The following THUMPD2 variants were observed in gnomAD, a reference collection of about 807,000 sequenced individuals.
The protein encoded by THUMPD2 is U6 snRNA (guanine-N(2))-methyltransferase THUMPD2.
In THUMPD2, 56 loss-of-function variants were observed where a neutral mutation model predicts 49.4. The observed-to-expected ratio is 1.13, with a 90% confidence interval of 0.91 to 1.41. THUMPD2 has a LOEUF of 1.41. THUMPD2 is among the 40% of genes most tolerant of loss of function. THUMPD2 has a pLI of 0.00. For synonymous variants in THUMPD2, 237 were observed against 205.2 expected, an observed-to-expected ratio of 1.15 and a Z score of -1.32; for missense variants, 709 against 594.5, an observed-to-expected ratio of 1.19 and a Z score of -2.00.
In THUMPD2 at chr2:39,769,899, G is replaced by A. The variant is rs1678085111; in HGVS notation, c.483C>T (p.Cys161=). 1.3e-6 allele frequency: 2 copies of A among 1,596,918 alleles called. No homozygotes were observed. The highest frequency in any genetic ancestry group is 4.5e-5 in the East Asian group (2 of 44,262). Residue 161 remains cysteine, a synonymous_variant, in exon 3 of 10, where the codon TGC becomes TGT. Coordinates refer to ENST00000505747, the MANE Select transcript of THUMPD2 (RefSeq NM_025264.5). ...QMQKIEENRD[C]QLEKQIKEET... is the part of the protein sequence containing the mutation. ...CTTCTTTTATTTGTTTTTCCAGCTGGCAGTCCCTATTCTCTTCTATCTTTT... is the reference window on the plus strand; with the variant it reads ...CTTCTTTTATTTGTTTTTCCAGCTGACAGTCCCTATTCTCTTCTATCTTTT...
rs1169143999 is a variant in THUMPD2, at chr2:39,736,503, A to AAACTT, written c.*227_*231dup. On this transcript the variant is annotated 3_prime_UTR_variant, in exon 10 of 10. Coordinates refer to ENST00000505747, the MANE Select transcript of THUMPD2 (RefSeq NM_025264.5). ...ACTTTTCACATTCTGACAGAAGATAAAACTTAAGTCTAAAAAATATTCGAT... is the reference window on the plus strand; with the variant it reads ...ACTTTTCACATTCTGACAGAAGATAAAACTTAACTTAAGTCTAAAAAATATTCGAT... 15 of 391,350 alleles carry AAACTT rather than the reference A, an allele frequency of 3.8e-5. No individual in the cohort carries two copies. The Admixed American group carries it at 4.5e-4, about 12-fold the overall frequency. The allele number at this position is 391,350 out of a possible 1,614,324, so 24.2% of individuals were successfully genotyped here.
At chr2:39,756,623 T>C (rs578009786) in intron 6 of THUMPD2, among the ~76,000 whole-genome samples, 1 of 152,126 alleles carries the variant, frequency 6.6e-6, no homozygotes, top group Admixed American at 6.5e-5. Context: ...TGTGTTCGGG[T>C]AGCAGAGGAA....
intron 5 of THUMPD2, among the ~76,000 whole-genome samples, chr2:39,762,563 A>C (rs181385201): frequency 4.6e-5 from 7 of 152,080 alleles, no homozygotes; most frequent in Admixed American, 2.6e-4. Context: ...AAGAAACAAC[A>C]ATTCACATTG....
At chr2:39,741,005 C>A (rs1419087169) in intron 9 of THUMPD2, among the ~76,000 whole-genome samples, 2 of 152,054 alleles carry the variant, frequency 1.3e-5, no homozygotes, top group African/African-American at 4.8e-5. Context: ...AGCTACTGTG[C>A]CCAGAAACAC....
intron 1 of THUMPD2, among the ~76,000 whole-genome samples, chr2:39,775,578 T>C (rs1314830680): frequency 6.6e-6 from 1 of 152,004 alleles, no homozygotes; most frequent in East Asian, 1.9e-4. Flanking sequence ...AAGACCAGCC[T>C]GGCCAACATG....
chr2:39,768,889 C>G (rs1441668381), intron 3 of THUMPD2: 11 of 1,297,944 alleles, frequency 8.5e-6, no homozygotes, highest in African/African-American at 1.5e-5. Context: ...AGATTAGTAT[C>G]ATTAGACTCA....
intron 2 of THUMPD2, among the ~76,000 whole-genome samples, chr2:39,771,273 G>A (rs570382327): frequency 5.7e-4 from 86 of 152,120 alleles, no homozygotes; most frequent in African/African-American, 1.9e-3. Flanking sequence ...AAGAAATGTG[G>A]CTTAGGACAT....
chr2:39,771,626 T>C lies in THUMPD2; in HGVS notation c.141A>G (p.Ser47=). The C allele has an allele frequency of 6.2e-7, 1 of 1,603,038 alleles. No individual in the cohort carries two copies. The highest frequency in any genetic ancestry group is 1.7e-5 in the Admixed American group (1 of 57,198). Residue 47 remains serine (S), a synonymous_variant, in exon 2 of 10, where the codon TCA becomes TCG. Coordinates refer to ENST00000505747, the MANE Select transcript of THUMPD2 (RefSeq NM_025264.5). ...AACAGGTGGTGAAAAAAACCTTTCCTGAAATATATTCAACCTAGAAATAGA... is the reference window on the plus strand; with the variant it reads ...AACAGGTGGTGAAAAAAACCTTTCCCGAAATATATTCAACCTAGAAATAGA... The part of the protein sequence containing the change: ...RLAATQVEYI[S]GKVFFTTCSD...
At chr2:39,761,510 A>G in intron 5 of THUMPD2, 92 bp from the exon 6 acceptor site, 1 of 1,185,884 alleles carries the variant, frequency 8.4e-7, no homozygotes, top group Non-Finnish European at 1.2e-6. Flanking sequence ...AATCATTTAA[A>G]CATATTCATC....
chr2:39,762,817 C>T lies in THUMPD2; in HGVS notation c.804-1399G>A, dbSNP rs185870692. ...AGGGAGACGCAGTATGGGAAACCAG[C>T]TTTGTCCATATATATGAAAAAATGC... On this transcript the variant is annotated intron_variant, in intron 5 of 9. Coordinates refer to ENST00000505747, the MANE Select transcript of THUMPD2 (RefSeq NM_025264.5). Among the ~76,000 whole-genome samples the T allele has an allele frequency of 1.8e-3, 269 of 150,660 alleles. 2 individuals carry two copies. The highest frequency in any genetic ancestry group is 6.2e-3 in the African/African-American group (253 of 40,990).
chr2:39,740,294 T>C (rs945799933), intron 9 of THUMPD2, among the ~76,000 whole-genome samples: 1 of 152,230 alleles, frequency 6.6e-6, no homozygotes, highest in Non-Finnish European at 1.5e-5. Context: ...TACATACATA[T>C]AATGTGGCAA....
intron 8 of THUMPD2, among the ~76,000 whole-genome samples, chr2:39,745,694 A>AT (rs956584696): frequency 3.9e-5 from 6 of 152,084 alleles, no homozygotes; most frequent in Non-Finnish European, 8.8e-5. Context: ...AGAAACAATG[A>AT]TTTTTTTCTT....
At chr2:39,774,346 T>C (rs1489123511) in intron 1 of THUMPD2, among the ~76,000 whole-genome samples, 1 of 152,234 alleles carries the variant, frequency 6.6e-6, no homozygotes, top group South Asian at 2.1e-4. Context: ...CTATCAGAAG[T>C]GTTCTAAATA....
chr2:39,753,204 T>C (rs1226183081), intron 8 of THUMPD2, among the ~76,000 whole-genome samples: 4 of 152,140 alleles, frequency 2.6e-5, no homozygotes, highest in Non-Finnish European at 5.9e-5. Flanking sequence ...TGCTCTAAAC[T>C]AGTTGTTTTC....
At chr2:39,749,869 G>T (rs866603391) in intron 8 of THUMPD2, among the ~76,000 whole-genome samples, 1 of 151,976 alleles carries the variant, frequency 6.6e-6, no homozygotes, top group South Asian at 2.1e-4. Flanking sequence ...CTGTTCCTGC[G>T]TTAGTTTGCT....
At chr2:39,746,710 A>G (rs988897104) in intron 8 of THUMPD2, among the ~76,000 whole-genome samples, 3 of 152,146 alleles carry the variant, frequency 2.0e-5, no homozygotes, top group Non-Finnish European at 4.4e-5. Context: ...CTTCCAGGAG[A>G]AAAATGGGTA....
intron 4 of THUMPD2, among the ~76,000 whole-genome samples, chr2:39,766,632 T>G (rs1401553465): frequency 6.6e-6 from 1 of 152,188 alleles, no homozygotes; most frequent in Non-Finnish European, 1.5e-5. Context: ...TGAAGAGTAT[T>G]TAAGCGCCCC....
At chr2:39,762,315 T>C (rs1676924465) in intron 5 of THUMPD2, among the ~76,000 whole-genome samples, 1 of 152,182 alleles carries the variant, frequency 6.6e-6, no homozygotes, top group African/African-American at 2.4e-5. Context: ...CTTAAGGTTG[T>C]TCAACAGAAT....
chr2:39,764,727 C>T (rs1050303487), intron 5 of THUMPD2, among the ~76,000 whole-genome samples: 10 of 152,178 alleles, frequency 6.6e-5, no homozygotes, highest in African/African-American at 2.2e-4. Context: ...TTCATGTCTC[C>T]CTTTTCATGT....
Sources: allele counts gnomAD v4.1 joint callset (sites outside exome capture counted in the v4.1 genomes callset), GRCh38; gene constraint gnomAD v4.1.1; transcripts MANE v1.5; gene names NCBI Gene and HGNC (gene_info 2026-07-23, HGNC 2026-07-21).